The following LRRTM4 variants were observed in gnomAD, a reference collection of about 807,000 sequenced individuals.
LRRTM4 encodes leucine-rich repeat transmembrane neuronal protein 4.
A neutral mutation model predicts 47.6 loss-of-function variants in LRRTM4; 25 were observed. That is an observed-to-expected ratio of 0.53 (90% CI 0.38 to 0.73). The LOEUF (loss-of-function observed/expected upper bound fraction) is 0.73. Among genes scored for constraint, LRRTM4 ranks in the 30% least tolerant of loss-of-function variants. The pLI is 0.00. For synonymous variants in LRRTM4, 311 were observed against 269.5 expected (o/e 1.15, Z -1.51); for missense variants, 638 against 713.4 (o/e 0.89, Z 1.20).
intron 3 of LRRTM4, among the ~76,000 whole-genome samples, chr2:76,820,073 A>G (rs1377482395): frequency 3.3e-5 from 5 of 151,980 alleles, no homozygotes; most frequent in South Asian, 2.1e-4. Flanking sequence ...AAATAAATTT[A>G]AAAAGGAAAC....
At chr2:77,342,850 T>G (rs1671424205) in intron 3 of LRRTM4, among the ~76,000 whole-genome samples, 1 of 106,500 alleles carries the variant, frequency 9.4e-6, no homozygotes, top group Non-Finnish European at 2.6e-5. Flanking sequence ...CCAGGCAGGT[T>G]CAAACTGAGG....
At chr2:76,844,914 C>T (rs1373163408) in intron 3 of LRRTM4, among the ~76,000 whole-genome samples, 1 of 151,938 alleles carries the variant, frequency 6.6e-6, no homozygotes, top group Non-Finnish European at 1.5e-5. Context: ...ATTTACCAAT[C>T]AAAAGGCGGT....
chr2:77,028,450 A>G (rs1678529826), intron 3 of LRRTM4, among the ~76,000 whole-genome samples: 1 of 152,192 alleles, frequency 6.6e-6, no homozygotes, highest in Admixed American at 6.5e-5. Context: ...GAGAGTATAA[A>G]GATATAAAAA....
At chr2:76,940,038 G>A (rs1007021664) in intron 3 of LRRTM4, among the ~76,000 whole-genome samples, 3 of 152,090 alleles carry the variant, frequency 2.0e-5, no homozygotes, top group African/African-American at 7.2e-5. Context: ...CACACTCTTG[G>A]TGGGGGTGTA....
intron 3 of LRRTM4, among the ~76,000 whole-genome samples, chr2:77,438,016 G>A (rs1238357679): frequency 6.6e-6 from 1 of 152,038 alleles, no homozygotes; most frequent in Non-Finnish European, 1.5e-5. Context: ...TCTATAAATG[G>A]CATCTTGTAC....
intron 3 of LRRTM4, among the ~76,000 whole-genome samples, chr2:77,324,462 C>T (rs113230290): frequency 2.0e-4 from 30 of 152,142 alleles, no homozygotes; most frequent in Middle Eastern, 3.4e-3. Context: ...AAATAAGGAT[C>T]CCCTGAAGAT....
At chr2:76,817,808 G>A (rs1361692555) in intron 3 of LRRTM4, among the ~76,000 whole-genome samples, 3 of 151,902 alleles carry the variant, frequency 2.0e-5, no homozygotes, top group Non-Finnish European at 2.9e-5. Flanking sequence ...TTGCGTTAAC[G>A]AATCTGGGCT....
chr2:76,747,802 C>T lies in LRRTM4; in HGVS notation c.*893G>A, dbSNP rs191581507. On this transcript the variant is annotated 3_prime_UTR_variant, in exon 4 of 4. Coordinates refer to ENST00000409884, the MANE Select transcript of LRRTM4 (RefSeq NM_001134745.3). ...ATAATTAATTTAAAAAGCAATGTTACACATTATCTTGTGTTTAGAAATTTG... is the reference window on the plus strand; with the variant it reads ...ATAATTAATTTAAAAAGCAATGTTATACATTATCTTGTGTTTAGAAATTTG... 6.6e-4 allele frequency: 100 copies of T among 152,218 alleles called. No individual in the cohort carries two copies. The highest frequency in any genetic ancestry group is 2.3e-3 in the African/African-American group (95 of 41,532). 9.4% of individuals were successfully genotyped at this position (152,218 alleles called of 1,614,324 possible).
At chr2:76,808,206 G>T (rs921755058) in intron 3 of LRRTM4, among the ~76,000 whole-genome samples, 1 of 151,590 alleles carries the variant, frequency 6.6e-6, no homozygotes, top group Non-Finnish European at 1.5e-5. Flanking sequence ...TTTTAGTAGA[G>T]ACAGGATTTC....
At chr2:77,274,856 A>G (rs761205844) in intron 3 of LRRTM4, among the ~76,000 whole-genome samples, 4 of 152,176 alleles carry the variant, frequency 2.6e-5, no homozygotes, top group Non-Finnish European at 5.9e-5. Context: ...ATATTTTGAC[A>G]GAATGTGTAG....
chr2:77,083,807 T>TG (rs1680614504), intron 3 of LRRTM4, among the ~76,000 whole-genome samples: 1 of 105,500 alleles, frequency 9.5e-6, no homozygotes, highest in African/African-American at 3.5e-5. Flanking sequence ...TTTTTTTTTT[T>TG]TTTTTTTTTT....
At chr2:77,491,432 A>G (rs1478552069) in intron 3 of LRRTM4, among the ~76,000 whole-genome samples, 1 of 152,156 alleles carries the variant, frequency 6.6e-6, no homozygotes, top group African/African-American at 2.4e-5. Context: ...AAAATGGCTC[A>G]TCACATTCCA....
chr2:77,518,157 C>T, intron 3 of LRRTM4, 161 bp downstream of exon 3: 1 of 1,267,836 alleles, frequency 7.9e-7, no homozygotes, highest in South Asian at 3.3e-5. Context: ...AGTCAATTTC[C>T]TGGTGGTTGT....
chr2:77,502,089 T>C (rs1015088390), intron 3 of LRRTM4, among the ~76,000 whole-genome samples: 2 of 151,392 alleles, frequency 1.3e-5, no homozygotes, highest in Admixed American at 6.6e-5. Context: ...CAAAACAGAA[T>C]TGGAACCCAT....
intron 3 of LRRTM4, among the ~76,000 whole-genome samples, chr2:76,845,874 G>A (rs1193494319): frequency 6.6e-6 from 1 of 152,028 alleles, no homozygotes. Flanking sequence ...TAGGGGTGGT[G>A]GGAAAGCTCT....
At chr2:77,172,271 A>G (rs1673069070) in intron 3 of LRRTM4, among the ~76,000 whole-genome samples, 2 of 152,306 alleles carry the variant, frequency 1.3e-5, no homozygotes, top group East Asian at 3.9e-4. Context: ...TTGTTTACTC[A>G]GAATCCATAT....
intron 3 of LRRTM4, among the ~76,000 whole-genome samples, chr2:76,878,432 A>G (rs1375243443): frequency 4.6e-5 from 7 of 152,236 alleles, no homozygotes; most frequent in African/African-American, 1.7e-4. Flanking sequence ...GATTAAGGTT[A>G]GTGAGAAAGA....
intron 3 of LRRTM4, among the ~76,000 whole-genome samples, chr2:76,783,516 G>C (rs1674507936): frequency 1.3e-5 from 2 of 152,052 alleles, no homozygotes; most frequent in South Asian, 4.1e-4. Context: ...CTGAAACTCT[G>C]TACCTATTAA....
intron 3 of LRRTM4, among the ~76,000 whole-genome samples, chr2:77,065,667 A>G (rs1363732688): frequency 6.6e-6 from 1 of 152,184 alleles, no homozygotes; most frequent in Non-Finnish European, 1.5e-5. Context: ...AGTATTAGGA[A>G]ACAGAGTGTA....
Sources: allele counts gnomAD v4.1 joint callset (sites outside exome capture counted in the v4.1 genomes callset), GRCh38; gene constraint gnomAD v4.1.1; transcripts MANE v1.5; gene names NCBI Gene and HGNC (gene_info 2026-07-23, HGNC 2026-07-21).